The following DHX40 variants were observed in gnomAD, a reference collection of about 807,000 sequenced individuals.
The protein encoded by DHX40 is probable ATP-dependent RNA helicase DHX40.
A neutral mutation model predicts 89.6 loss-of-function variants in DHX40; 28 were observed. The observed-to-expected ratio is 0.31, with a 90% CI of 0.23 to 0.43. DHX40 has a LOEUF of 0.43. Ranked by LOEUF, DHX40 falls within the 20% of genes least tolerant of loss-of-function variation. The pLI is 1.00. For missense variants in DHX40, 457 were observed against 844.0 expected, an observed-to-expected ratio of 0.54 and a Z score of 5.68; for synonymous variants, 226 against 283.6, an observed-to-expected ratio of 0.80 and a Z score of 2.04.
chr17:59,585,775 A>G (rs2048985570), intron 10 of DHX40, among the ~76,000 whole-genome samples: 1 of 127,118 alleles, frequency 7.9e-6, no homozygotes, highest in African/African-American at 3.9e-5. Flanking sequence ...TTCAGTACTA[A>G]TTAATATTTC....
chr17:59,570,184 A>G (rs1322728120), intron 2 of DHX40, among the ~76,000 whole-genome samples: 1 of 122,710 alleles, frequency 8.1e-6, no homozygotes, highest in Non-Finnish European at 1.6e-5. Flanking sequence ...ATTAATATAT[A>G]TAATATATAA....
chr17:59,604,920 G>A (rs1030718031), intron 15 of DHX40, 195 bp from the exon 16 acceptor site: 49 of 552,506 alleles, frequency 8.9e-5, no homozygotes, highest in Non-Finnish European at 1.4e-4. Context: ...TAATTGTAGT[G>A]ACTGTTTAAC....
chr17:59,586,706 CT>C (rs2049002822), intron 11 of DHX40, among the ~76,000 whole-genome samples: 1 of 151,740 alleles, frequency 6.6e-6, no homozygotes, highest in African/African-American at 2.4e-5. Flanking sequence ...GGTATAATCC[CT>C]TTTGTTTAAT....
At chr17:59,568,138 G>A (rs922915988) in intron 2 of DHX40, among the ~76,000 whole-genome samples, 2 of 152,148 alleles carry the variant, frequency 1.3e-5, no homozygotes, top group Non-Finnish European at 2.9e-5. Context: ...TGAGGCGGGA[G>A]AATCACTTGA....
intron 1 of DHX40, 88 bp from the exon 2 acceptor site, chr17:59,566,539 C>G: frequency 1.5e-6 from 2 of 1,316,134 alleles, no homozygotes; most frequent in Non-Finnish European, 2.0e-6. Context: ...CCCTAAAATT[C>G]TATTGCCTTT....
intron 2 of DHX40, among the ~76,000 whole-genome samples, chr17:59,567,274 A>C (rs1037402735): frequency 4.6e-5 from 7 of 152,178 alleles, no homozygotes; most frequent in African/African-American, 7.2e-5. Context: ...TTTGGTTTGG[A>C]CTGATCCCCC....
chr17:59,572,617 G>A (rs1214565537), intron 3 of DHX40, among the ~76,000 whole-genome samples: 2 of 152,168 alleles, frequency 1.3e-5, no homozygotes. Flanking sequence ...GGACTCAAGT[G>A]ATCCGCCCAC....
chr17:59,596,577 C>CA (rs537030449), intron 12 of DHX40, among the ~76,000 whole-genome samples: 2,276 of 152,140 alleles, frequency 0.015, 20 homozygotes, highest in Non-Finnish European at 0.025. Flanking sequence ...AAAAACAAAA[C>CA]AAAAAACAAA....
intron 14 of DHX40, among the ~76,000 whole-genome samples, 153 bp from the exon 15 acceptor site, chr17:59,602,369 A>AT (rs1448125992): frequency 2.0e-5 from 3 of 152,022 alleles, no homozygotes; most frequent in Non-Finnish European, 4.4e-5. Context: ...TATTTTTTCC[A>AT]TTTTTTTGGT....
At chr17:59,593,823 C>G (rs1326341729) in intron 12 of DHX40, among the ~76,000 whole-genome samples, 1 of 151,786 alleles carries the variant, frequency 6.6e-6, no homozygotes, top group Non-Finnish European at 1.5e-5. Flanking sequence ...AACTTTAATT[C>G]GTGGATTCTT....
At chr17:59,574,824 T>G (rs1283979618) in intron 6 of DHX40, among the ~76,000 whole-genome samples, 2 of 151,794 alleles carry the variant, frequency 1.3e-5, no homozygotes, top group African/African-American at 4.8e-5. Context: ...TAGACAAGCA[T>G]GTGGCATTTT....
Position 59,596,316 on chromosome 17 carries a change from C to T in DHX40, c.1583-2421C>T, listed in dbSNP as rs564949666. 9.4e-4 allele frequency among the ~76,000 whole-genome samples: 143 copies of T among 152,350 alleles called. 1 individual carries two copies. The highest frequency in any genetic ancestry group is 3.1e-3 in the African/African-American group (130 of 41,590). On this transcript the variant is annotated intron_variant, in intron 12 of 17. Coordinates refer to ENST00000251241, the MANE Select transcript of DHX40 (RefSeq NM_024612.5). ...GCGTGTTGGCTCAAGCCTGTAATCC[C>T]AGCACTCTGGGAGGCCAGGGCGGGC...
chr17:59,576,091 A>G, intron 7 of DHX40, among the ~76,000 whole-genome samples: 1 of 137,712 alleles, frequency 7.3e-6, no homozygotes, highest in Admixed American at 7.3e-5. Flanking sequence ...TTTAGCAGAG[A>G]TGGGATTTTG....
intron 14 of DHX40, among the ~76,000 whole-genome samples, chr17:59,600,905 C>CT (rs2030472241): frequency 1.4e-5 from 2 of 145,978 alleles, no homozygotes; most frequent in Non-Finnish European, 3.0e-5. Context: ...TCACTGCACA[C>CT]TTAAAACATT....
rs1336408779 is a variant in DHX40 at position 59,573,113 on chromosome 17, T to C, written c.427-3T>C. On this transcript the variant is annotated splice_polypyrimidine_tract_variant and splice_region_variant and intron_variant, in intron 3 of 17. Coordinates refer to ENST00000251241, the MANE Select transcript of DHX40 (RefSeq NM_024612.5). The stretch of plus-strand genomic sequence containing the variant: ...TCCTGTGACACTGCTGTTTGAACAT[T>C]AGGAGACAGCAATCAAATATATGAC... 1.9e-6 allele frequency: 3 copies of C among 1,605,450 alleles called. No homozygotes were observed. The highest frequency in any genetic ancestry group is 2.5e-6 in the Non-Finnish European group (3 of 1,177,612).
At position 59,605,652 on chromosome 17, in the gene DHX40, G is replaced by C; in HGVS notation, c.2178G>C (p.Lys726Asn). ...ATGCAAGAAGGAGATGGACAAATAA[G>C]GAAAATGTAAAGCAGCTAAAGGGTG... Reference protein sequence around the residue: ...REDARRRWTNKENVKQLKDGI... With the variant: ...REDARRRWTNNENVKQLKDGI... Residue 726 changes from lysine to asparagine, a missense_variant, in exon 17 of 18, where the codon AAG becomes AAC. Lys to Asn is a moderately conservative substitution (Grantham distance 94). Around this residue, in one of 9 missense-constraint regions of DHX40, gnomAD observed 120 missense variants for 161.7 expected, o/e 0.74. Transcript: ENST00000251241. 2 of 1,612,636 alleles carry C rather than the reference G, an allele frequency of 1.2e-6. No individual in the cohort carries two copies. The highest frequency in any genetic ancestry group is 1.7e-6 in the Non-Finnish European group (2 of 1,179,448).
At chr17:59,586,640 T>TG (rs1244049887) in intron 11 of DHX40, among the ~76,000 whole-genome samples, 1 of 149,650 alleles carries the variant, frequency 6.7e-6, no homozygotes, top group African/African-American at 2.5e-5. Flanking sequence ...CACTCCAGCC[T>TG]GGGCAACAGA....
chr17:59,598,040 T>A (rs541544115), intron 12 of DHX40, among the ~76,000 whole-genome samples: 5 of 151,874 alleles, frequency 3.3e-5, no homozygotes, highest in African/African-American at 1.2e-4. Context: ...CTAATTTTTG[T>A]ATATTTTGTA....
At chr17:59,577,177 T>G (rs1242129733) in intron 7 of DHX40, 89 bp from the exon 8 acceptor site, 9 of 1,123,104 alleles carry the variant, frequency 8.0e-6, no homozygotes, top group Non-Finnish European at 1.2e-5. Context: ...CCTAGAAACA[T>G]GACTTGTAAT....
Sources: allele counts gnomAD v4.1 joint callset (sites outside exome capture counted in the v4.1 genomes callset), GRCh38; gene constraint gnomAD v4.1.1; regional missense constraint gnomAD v4.1.1; transcripts MANE v1.5; gene names NCBI Gene and HGNC (gene_info 2026-07-23, HGNC 2026-07-21).